Variants in NCALD observed in about 807,000 individuals in gnomAD.
The protein encoded by NCALD is neurocalcin delta, also known as neurocalcin-delta.
A neutral mutation model predicts 18.6 loss-of-function variants in NCALD; 10 were observed. That is an observed-to-expected ratio of 0.54 (90% CI 0.33 to 0.91). The LOEUF (loss-of-function observed/expected upper bound fraction) is 0.91. Among genes scored for constraint, NCALD ranks in the 40% least tolerant of loss-of-function variants. The pLI, the probability that NCALD is intolerant of heterozygous loss-of-function variation, is 0.03. For synonymous variants in NCALD, 88 were observed against 87.4 expected (o/e 1.01, Z -0.04); for missense variants, 184 against 247.6 (o/e 0.74, Z 1.72).
chr8:102,065,660 A>G (rs1024013732), intron 1 of NCALD, among the ~76,000 whole-genome samples: 3 of 152,174 alleles, frequency 2.0e-5, no homozygotes, highest in Non-Finnish European at 2.9e-5. Context: ...TAATATTACA[A>G]ATATCACAGC....
Position 102,103,887 on chromosome 8 carries a change from C to A in NCALD, c.-210+20350G>T, listed in dbSNP as rs372810997. On this transcript the variant is annotated intron_variant, in intron 1 of 6. Coordinates refer to the NCALD transcript ENST00000311028. ...AGTTTTTAAATAAGTGAGAAGGCAACTGCCTGAAAAATTTGATAGGCAAAA... is the reference window on the plus strand; with the variant it reads ...AGTTTTTAAATAAGTGAGAAGGCAAATGCCTGAAAAATTTGATAGGCAAAA... Among the ~76,000 whole-genome samples, 7 of 152,290 alleles carry A rather than the reference C, an allele frequency of 4.6e-5. No homozygotes were observed. In the East Asian group the frequency reaches 9.6e-4, roughly 21 times the overall value.
At chr8:102,001,745 T>G (rs1022822175) in intron 2 of NCALD, among the ~76,000 whole-genome samples, 32 of 152,180 alleles carry the variant, frequency 2.1e-4, no homozygotes, top group Admixed American at 9.8e-4. Flanking sequence ...GAAAAGAATT[T>G]TCAACCCAGA....
At chr8:101,697,625 G>A (rs1312611362) in intron 2 of NCALD, among the ~76,000 whole-genome samples, 1 of 152,110 alleles carries the variant, frequency 6.6e-6, no homozygotes, top group Non-Finnish European at 1.5e-5. Context: ...TCCCTGGGAT[G>A]AAGGCTAGTT....
At chr8:102,017,085 A>T (rs1431494712) in intron 2 of NCALD, among the ~76,000 whole-genome samples, 2 of 152,290 alleles carry the variant, frequency 1.3e-5, no homozygotes, top group African/African-American at 4.8e-5. Flanking sequence ...AAGAGAAAGA[A>T]TTTTTTTAAC....
In NCALD at chr8:102,107,213, TATATATATATATATATATATATATATAC is replaced by T. The variant is rs1312488746; in HGVS notation, c.-210+16996_-210+17023del. 2.5e-4 allele frequency among the ~76,000 whole-genome samples: 31 copies of T among 124,118 alleles called. No homozygotes were observed. In the South Asian group the frequency reaches 5.3e-3, roughly 21 times the overall value. 81.4% of individuals were successfully genotyped at this position (124,118 alleles called of 152,430 possible). A position where few individuals can be genotyped will look rare whatever the true frequency, so the allele number is the denominator to read the frequency against. The stretch of plus-strand genomic sequence containing the variant: ...GTGTGTACATATATATATATATATA[TATATATATATATATATATATATATATAC>T]ACATAGAAATATTCTTCAAATCTGT... On this transcript the variant is annotated intron_variant, in intron 1 of 6. Coordinates refer to the NCALD transcript ENST00000311028.
rs1813299624 is a variant in NCALD, at chr8:101,811,405, G to C, written c.-20+75736C>G. Among the ~76,000 whole-genome samples the C allele has an allele frequency of 2.6e-5, 4 of 152,146 alleles. No homozygotes were observed. The South Asian group carries it at 8.3e-4, about 32-fold the overall frequency. On this transcript the variant is annotated intron_variant, in intron 4 of 6. Coordinates refer to the NCALD transcript ENST00000311028. ...AGGAAAGGAAGTTGATCCTCTCCTAGAGGCTACAGAATTGAACAAAGCCTG... is the reference window on the plus strand; with the variant it reads ...AGGAAAGGAAGTTGATCCTCTCCTACAGGCTACAGAATTGAACAAAGCCTG...
chr8:101,955,268 A>G (rs578159596), intron 2 of NCALD, among the ~76,000 whole-genome samples: 1 of 152,352 alleles, frequency 6.6e-6, no homozygotes, highest in South Asian at 2.1e-4. Context: ...CGTTGGCCCT[A>G]GGGAAACAAA....
At chr8:101,908,561 A>G (rs778447863) in intron 3 of NCALD, among the ~76,000 whole-genome samples, 7 of 152,192 alleles carry the variant, frequency 4.6e-5, no homozygotes, top group Non-Finnish European at 7.4e-5. Context: ...TAAATGCATC[A>G]TATGATCACG....
intron 2 of NCALD, among the ~76,000 whole-genome samples, chr8:101,952,493 C>T (rs1819467980): frequency 6.6e-6 from 1 of 152,170 alleles, no homozygotes. Context: ...AGGCAATACC[C>T]ACCAGACACA....
chr8:101,874,600 C>T (rs986859733), intron 4 of NCALD, among the ~76,000 whole-genome samples: 1 of 152,138 alleles, frequency 6.6e-6, no homozygotes, highest in African/African-American at 2.4e-5. Flanking sequence ...TGTAGTGGCA[C>T]AATCATACCT....
chr8:101,973,138 A>G (rs1395925126), intron 2 of NCALD, among the ~76,000 whole-genome samples: 1 of 152,076 alleles, frequency 6.6e-6, no homozygotes, highest in Non-Finnish European at 1.5e-5. Context: ...GCAGAAAGAA[A>G]TTTTCTGTTC....
chr8:101,982,857 A>G (rs1449344563), intron 2 of NCALD, among the ~76,000 whole-genome samples: 1 of 148,732 alleles, frequency 6.7e-6, no homozygotes, highest in African/African-American at 2.6e-5. Flanking sequence ...AAAAAAAAAA[A>G]TCCTTATACC....
chr8:101,942,853 A>T (rs867982989), intron 2 of NCALD, among the ~76,000 whole-genome samples: 19 of 152,162 alleles, frequency 1.2e-4, no homozygotes, highest in African/African-American at 4.1e-4. Context: ...TCACATGCTT[A>T]CCCACTGTGA....
At position 101,814,813 on chromosome 8, in the gene NCALD, T is replaced by C. The variant is rs75427664; in HGVS notation, c.-20+72328A>G. 8.6e-3 allele frequency among the ~76,000 whole-genome samples: 1,302 copies of C among 152,130 alleles called. 18 individuals carry two copies. Among genetic ancestry groups the C allele is most frequent in the African/African-American group, 0.027 (1,130 of 41,532 alleles). On this transcript the variant is annotated intron_variant, in intron 4 of 6. Transcript: ENST00000311028. ...ATATACCACCAATGAACAAACAAAA[T>C]TTGAAATTAAAAACACAATACCATT...
At chr8:101,826,800 A>G (rs1330098835) in intron 4 of NCALD, among the ~76,000 whole-genome samples, 1 of 152,220 alleles carries the variant, frequency 6.6e-6, no homozygotes, top group African/African-American at 2.4e-5. Flanking sequence ...GATATTTCCT[A>G]CCAGAGAGTG....
rs1340427607 is a variant in NCALD at position 101,688,685 on chromosome 8, C to A, written c.*624G>T. The A allele has an allele frequency of 2.1e-6, 1 of 470,648 alleles. No individual in the cohort carries two copies. The highest frequency in any genetic ancestry group is 6.5e-5 in the East Asian group (1 of 15,310). The allele number at this position is 470,648 out of a possible 1,614,324, so 29.2% of individuals were successfully genotyped here. On this transcript the variant is annotated 3_prime_UTR_variant, in exon 4 of 4. Coordinates refer to ENST00000220931, the MANE Select transcript of NCALD (RefSeq NM_032041.3). ...CGCATATTAGCTCAACTAGTGTAAA[C>A]CTGTGAAAAAATAGCTGAGCCATCT...
chr8:102,007,328 A>G (rs1300477340), intron 2 of NCALD, among the ~76,000 whole-genome samples: 1 of 152,256 alleles, frequency 6.6e-6, no homozygotes, highest in Non-Finnish European at 1.5e-5. Flanking sequence ...TTGTTTCAAC[A>G]TTTGCAATAT....
At chr8:101,807,972 T>C (rs986222900) in intron 4 of NCALD, among the ~76,000 whole-genome samples, 5 of 152,002 alleles carry the variant, frequency 3.3e-5, no homozygotes, top group South Asian at 2.1e-4. Flanking sequence ...CAAGGTATAA[T>C]AGAGAAAAAT....
At chr8:101,934,011 A>T (rs1818668530) in intron 2 of NCALD, among the ~76,000 whole-genome samples, 1 of 152,204 alleles carries the variant, frequency 6.6e-6, no homozygotes, top group African/African-American at 2.4e-5. Flanking sequence ...AGAAAGTGTG[A>T]TCCAGAGCAT....
Sources: allele counts gnomAD v4.1 joint callset (sites outside exome capture counted in the v4.1 genomes callset), GRCh38; gene constraint gnomAD v4.1.1; transcripts MANE v1.5; gene names NCBI Gene and HGNC (gene_info 2026-07-23, HGNC 2026-07-21).